AK6: variants seen among roughly 807,000 people sequenced by gnomAD.
AK6 encodes adenylate kinase isoenzyme 6.
A neutral mutation model predicts 23.7 loss-of-function variants in AK6; 24 were observed. The observed-to-expected ratio is 1.01, with a 90% CI of 0.73 to 1.43. The LOEUF is 1.43. Among genes scored for constraint, AK6 ranks in the 40% most tolerant of loss-of-function variants. AK6 has a pLI of 0.00. For missense variants in AK6, 191 were observed against 199.1 expected (o/e 0.96, Z 0.24); for synonymous variants, 73 against 69.8 (o/e 1.05, Z -0.23).
At chr5:69,360,039 G>T (rs751748630) in intron 2 of AK6, among the ~76,000 whole-genome samples, 1 of 152,224 alleles carries the variant, frequency 6.6e-6, no homozygotes, top group Non-Finnish European at 1.5e-5. Context: ...AACAGGGTAT[G>T]ATGGCTGCAC....
intron 2 of AK6, among the ~76,000 whole-genome samples, chr5:69,364,152 T>G (rs147496985): frequency 9.0e-4 from 136 of 151,884 alleles, no homozygotes; most frequent in African/African-American, 3.1e-3. Context: ...AATCTAGGTT[T>G]TAGAAACTAT....
intron 1 of AK6, chr5:69,367,900 C>A (rs1055369849): frequency 1.9e-4 from 29 of 152,320 alleles, no homozygotes; most frequent in African/African-American, 7.0e-4. Context: ...TGTGGTGGCT[C>A]GCGCGTGTAA....
chr5:69,352,326 G>A, intron 4 of AK6, 73 bp from the exon 5 acceptor site: 1 of 1,198,034 alleles, frequency 8.3e-7, no homozygotes, highest in Non-Finnish European at 1.2e-6. Context: ...AAACATACCA[G>A]AAACTGGACA....
Position 69,355,947 on chromosome 5 carries a change from A to T in AK6, c.128T>A (p.Leu43Ter), listed in dbSNP as rs751116357. ...NVGDLAREEQ[L>*]YDGYDEEYDC... ...ATACTCTTCATCATAGCCATCATAC[A>T]ATTGCTCTAAAAGAGATTTAGAATT... The change falls in exon 3 of 5, where the codon TTG becomes TAG. Residue 43 changes from leucine to a stop codon, truncating the protein, a stop_gained. Transcript: ENST00000380822. LOFTEE classifies it high-confidence loss of function. The T allele has an allele frequency of 7.4e-5, 118 of 1,603,680 alleles. No individual in the cohort carries two copies. The highest frequency in any genetic ancestry group is 1.0e-4 in the Non-Finnish European group (118 of 1,177,208).
Position 69,366,298 on chromosome 5 carries a change from A to AT in AK6, c.121+204dup, listed in dbSNP as rs1331687490. On this transcript the variant is annotated intron_variant, in intron 2 of 4. Coordinates refer to ENST00000380822, the MANE Select transcript of AK6 (RefSeq NM_016283.5). ...CAACTATTCACAAGAATTGCCAGCCATTTTGAAGGCGGAAGGGAAAATGGT... is the reference window on the plus strand; with the variant it reads ...CAACTATTCACAAGAATTGCCAGCCATTTTTGAAGGCGGAAGGGAAAATGGT... 2.0e-5 allele frequency among the ~76,000 whole-genome samples: 3 copies of AT among 152,304 alleles called. No individual in the cohort carries two copies. The East Asian group carries it at 5.8e-4, about 29-fold the overall frequency.
At chr5:69,362,321 C>T (rs991606787) in intron 2 of AK6, among the ~76,000 whole-genome samples, 3 of 152,068 alleles carry the variant, frequency 2.0e-5, no homozygotes, top group Non-Finnish European at 4.4e-5. Context: ...TTGCTATACC[C>T]CCAAAGGGCA....
chr5:69,368,075 C>T (rs569958939), intron 1 of AK6, among the ~76,000 whole-genome samples: 1 of 152,278 alleles, frequency 6.6e-6, no homozygotes, highest in Admixed American at 6.5e-5. Context: ...CCTCTACTGA[C>T]CCCTTGCGCC....
At chr5:69,365,565 G>C (rs150010364) in intron 2 of AK6, 69 of 1,614,006 alleles carry the variant, frequency 4.3e-5, no homozygotes, top group Non-Finnish European at 5.4e-5. Flanking sequence ...AGCATGGCTT[G>C]AATAAATTTT....
At chr5:69,369,607 C>T (rs1479266202), upstream of AK6, 1 of 1,583,248 alleles carries the variant, frequency 6.3e-7, no homozygotes, top group Non-Finnish European at 8.6e-7. Context: ...CGAAGCCCAC[C>T]GCGGCGCCCC....
At chr5:69,369,404 A>C in intron 1 of AK6, 59 bp downstream of exon 1, 1 of 1,592,354 alleles carries the variant, frequency 6.3e-7, no homozygotes, top group Non-Finnish European at 8.5e-7. Flanking sequence ...CCCGATGCCC[A>C]GAGCACTCTG....
At chr5:69,359,393 C>T (rs879786238) in intron 2 of AK6, among the ~76,000 whole-genome samples, 2 of 151,996 alleles carry the variant, frequency 1.3e-5, no homozygotes, top group African/African-American at 2.4e-5. Context: ...TACGGGTGCC[C>T]GCCACCATGC....
chr5:69,356,063 G>T, intron 2 of AK6, 110 bp from the exon 3 acceptor site: 2 of 895,702 alleles, frequency 2.2e-6, no homozygotes, highest in East Asian at 2.5e-5. Context: ...TATTCTTTTA[G>T]ATACAAGGGT....
At chr5:69,369,653 T>C (rs943303248), upstream of AK6, 1 of 1,560,064 alleles carries the variant, frequency 6.4e-7, no homozygotes. Flanking sequence ...GGCCCACTGG[T>C]TACCTGGCTT....
chr5:69,358,264 T>C (rs1481340687), intron 2 of AK6, among the ~76,000 whole-genome samples: 3 of 152,108 alleles, frequency 2.0e-5, no homozygotes, highest in Non-Finnish European at 4.4e-5. Context: ...GGCTCATGCC[T>C]GTAATTCCAG....
chr5:69,369,256 G>T (rs113611123), intron 1 of AK6: 2 of 75,590 alleles, frequency 2.6e-5, no homozygotes, highest in Admixed American at 1.6e-4. Context: ...GGAGCCTCAG[G>T]CCAACGGAAT....
intron 2 of AK6, 38 bp downstream of exon 2, chr5:69,366,460 TAAAAA>T: frequency 7.7e-7 from 1 of 1,299,412 alleles, no homozygotes; most frequent in South Asian, 1.4e-5. Context: ...TACCAGACCT[TAAAAA>T]AAAAACAAAA....
intron 2 of AK6, chr5:69,365,297 C>T: frequency 1.2e-6 from 2 of 1,614,200 alleles, no homozygotes; most frequent in Non-Finnish European, 8.5e-7. Context: ...CAACACTTAA[C>T]CGCGGGACTG....
Position 69,359,401 on chromosome 5 carries a change from T to C in AK6, c.122-3448A>G, listed in dbSNP as rs182578035. Among the ~76,000 whole-genome samples, 507 of 152,198 alleles carry C rather than the reference T, an allele frequency of 3.3e-3. 1 individual carries two copies. The highest frequency in any genetic ancestry group is 0.012 in the African/African-American group (488 of 41,548). On this transcript the variant is annotated intron_variant, in intron 2 of 4. Transcript: ENST00000380822. ...CTGGGATTACGGGTGCCCGCCACCA[T>C]GCCTGGCTAATTTTTGTATTTTTAG...
intron 2 of AK6, among the ~76,000 whole-genome samples, chr5:69,363,178 T>C (rs939835055): frequency 6.6e-6 from 1 of 150,486 alleles, no homozygotes; most frequent in Non-Finnish European, 1.5e-5. Context: ...CAATGAGCTA[T>C]GATCAGGCCA....
Sources: allele counts gnomAD v4.1 joint callset (sites outside exome capture counted in the v4.1 genomes callset), GRCh38; gene constraint gnomAD v4.1.1; transcripts MANE v1.5; gene names NCBI Gene and HGNC (gene_info 2026-07-23, HGNC 2026-07-21).